The following NYAP2 variants were observed in gnomAD, a reference collection of about 807,000 sequenced individuals.
The protein encoded by NYAP2 is neuronal tyrosine-phosphorylated phosphoinositide-3-kinase adaptor 2, also known as neuronal tyrosine-phosphorylated phosphoinositide-3-kinase adapter 2.
NYAP2 carries 23 observed loss-of-function variants against 50.4 expected under a neutral mutation model. That is an observed-to-expected ratio of 0.46 (90% confidence interval 0.33 to 0.65). The LOEUF is 0.65. NYAP2 is among the 30% of genes least tolerant of loss of function. The pLI, the probability that NYAP2 is intolerant of heterozygous loss-of-function variation, is 0.02. For synonymous variants in NYAP2, 394 were observed against 365.2 expected, an observed-to-expected ratio of 1.08 and a Z score of -0.90; for missense variants, 885 against 861.0, an observed-to-expected ratio of 1.03 and a Z score of -0.35.
At position 225,582,663 on chromosome 2, in the gene NYAP2, C is replaced by A. The variant is rs746087538; in HGVS notation, c.1246C>A (p.Pro416Thr). The A allele has an allele frequency of 2.5e-6, 4 of 1,596,596 alleles. No homozygotes were observed. In the South Asian group the frequency reaches 4.5e-5, roughly 18 times the overall value. ...CCCTGCGCTCTCCTCGTCGCCCCCA[C>A]CCCCGTCTACGCTGTACCGAACCCA... The change falls in exon 5 of 7, where the codon CCC becomes ACC. Residue 416 changes from proline (P) to threonine (T), a missense_variant. Coordinates refer to ENST00000636099, the Ensembl canonical transcript of NYAP2. The surrounding 1 kb of genome is among the most constrained non-coding windows in gnomAD (Gnocchi z 7.0).
At chr2:225,597,512 A>AATATATATATATATAT in intron 5 of NYAP2, among the ~76,000 whole-genome samples, 1,367 of 46,140 alleles carry the variant, frequency 0.03, 318 homozygotes, top group African/African-American at 0.05. Context: ...TCCAAGGAGA[A>AATATATATATATATAT]ATATATATAT....
At chr2:225,506,891 T>C (rs1365420333) in intron 3 of NYAP2, among the ~76,000 whole-genome samples, 1 of 152,020 alleles carries the variant, frequency 6.6e-6, no homozygotes, top group Non-Finnish European at 1.5e-5. Flanking sequence ...GCCCTTTCCC[T>C]GATACTAGAT....
intron 5 of NYAP2, among the ~76,000 whole-genome samples, chr2:225,605,192 G>A (rs547526384): frequency 1.3e-5 from 2 of 152,184 alleles, no homozygotes; most frequent in East Asian, 3.9e-4. Flanking sequence ...TTTAAAGATT[G>A]AGGCATTTTT....
chr2:225,597,023 C>G (rs1182892191), intron 5 of NYAP2, among the ~76,000 whole-genome samples: 1 of 152,052 alleles, frequency 6.6e-6, no homozygotes, highest in African/African-American at 2.4e-5. Flanking sequence ...AAACAACCTC[C>G]TTATAGTGGA....
At chr2:225,489,223 CT>C (rs1327904865) in intron 3 of NYAP2, among the ~76,000 whole-genome samples, 1 of 151,132 alleles carries the variant, frequency 6.6e-6, no homozygotes, top group Non-Finnish European at 1.5e-5. Flanking sequence ...AAGAGTTTTG[CT>C]TTGTCACCCA....
At chr2:225,399,485 G>A (rs77596847), upstream of NYAP2, among the ~76,000 whole-genome samples, 9,787 of 152,022 alleles carry the variant, frequency 0.064, 338 homozygotes, top group South Asian at 0.11. Context: ...TGAGTCTATA[G>A]GAATTAATGA....
intron 5 of NYAP2, among the ~76,000 whole-genome samples, chr2:225,603,401 A>T (rs1482815618): frequency 6.6e-6 from 1 of 152,164 alleles, no homozygotes; most frequent in Non-Finnish European, 1.5e-5. Context: ...AGTCAAGTAT[A>T]TTTTTAACAA....
intron 4 of NYAP2, among the ~76,000 whole-genome samples, chr2:225,560,933 G>A (rs959894009): frequency 7.3e-6 from 1 of 136,478 alleles, no homozygotes; most frequent in Admixed American, 7.5e-5. Context: ...TTTCCAAAAC[G>A]TTTTTTTTTT....
At chr2:225,513,284 TC>T in intron 3 of NYAP2, 86 bp from the exon 4 acceptor site, 4 of 1,203,674 alleles carry the variant, frequency 3.3e-6, no homozygotes, top group Non-Finnish European at 4.7e-6. Flanking sequence ...TTTGAAATTT[TC>T]CCTATTAGTA....
At chr2:225,479,008 G>A (rs944525747) in intron 3 of NYAP2, among the ~76,000 whole-genome samples, 3 of 152,132 alleles carry the variant, frequency 2.0e-5, no homozygotes, top group Admixed American at 2.0e-4. Flanking sequence ...AAGAGATTCA[G>A]CATTATGGTG....
In NYAP2 at chr2:225,441,069, A is replaced by G. The variant is rs1041280344; in HGVS notation, c.221+31968A>G. The stretch of plus-strand genomic sequence containing the variant: ...TTCTGATGCAAATTGTGTCATGGCC[A>G]TCCTCTGTGATAAGTGGCATCCTTT... On this transcript the variant is annotated intron_variant, in intron 3 of 6. Coordinates refer to ENST00000636099, the Ensembl canonical transcript of NYAP2. Among the ~76,000 whole-genome samples, 13 of 152,130 alleles carry G rather than the reference A, an allele frequency of 8.5e-5. No homozygotes were observed. In the East Asian group the frequency reaches 2.5e-3, roughly 29 times the overall value.
At chr2:225,652,417 A>G (rs1036214310) in exon 7 of NYAP2, 1 of 152,250 alleles carries the variant, frequency 6.6e-6, no homozygotes, top group African/African-American at 2.4e-5. Flanking sequence ...CTGAAATATC[A>G]TTTAATCCTT....
intron 4 of NYAP2, among the ~76,000 whole-genome samples, chr2:225,534,564 A>C (rs976941393): frequency 1.4e-4 from 21 of 152,356 alleles, no homozygotes; most frequent in African/African-American, 4.6e-4. Flanking sequence ...TCAGTGCAAT[A>C]GAAGAAAGAA....
chr2:225,623,459 A>G (rs945658217), intron 5 of NYAP2, among the ~76,000 whole-genome samples: 1 of 152,108 alleles, frequency 6.6e-6, no homozygotes, highest in African/African-American at 2.4e-5. Flanking sequence ...AATAAGGTGA[A>G]GGCTGGCCTG....
At chr2:225,523,511 G>A (rs1456919080) in intron 4 of NYAP2, among the ~76,000 whole-genome samples, 1 of 151,896 alleles carries the variant, frequency 6.6e-6, no homozygotes, top group East Asian at 1.9e-4. Context: ...TTTCACCAAG[G>A]TAGTGAAACA....
At chr2:225,626,331 G>A (rs1180229454) in intron 5 of NYAP2, among the ~76,000 whole-genome samples, 1 of 152,230 alleles carries the variant, frequency 6.6e-6, no homozygotes, top group Admixed American at 6.5e-5. Flanking sequence ...GGCTAAGCTA[G>A]CACCTCGGGA....
Position 225,616,335 on chromosome 2 carries a change from G to T in NYAP2, c.1619-10582G>T, listed in dbSNP as rs115191575. Among the ~76,000 whole-genome samples the T allele has an allele frequency of 3.3e-3, 508 of 152,236 alleles. 6 individuals carry two copies. The highest frequency in any genetic ancestry group is 0.012 in the African/African-American group (486 of 41,548). On this transcript the variant is annotated intron_variant, in intron 5 of 6. Coordinates refer to ENST00000636099, the Ensembl canonical transcript of NYAP2. Reference sequence around the variant, plus strand: ...TAATGAAATATAAAAATATGCCCCCGCTCCTCCATACTCTTTCATGGTGGA... The same window carrying T: ...TAATGAAATATAAAAATATGCCCCCTCTCCTCCATACTCTTTCATGGTGGA...
intron 3 of NYAP2, among the ~76,000 whole-genome samples, chr2:225,462,913 T>C (rs955817213): frequency 6.6e-6 from 1 of 152,242 alleles, no homozygotes; most frequent in East Asian, 1.9e-4. Flanking sequence ...TATTTTTAAA[T>C]GGTTGTGATT....
At chr2:225,416,207 T>A (rs1478852091) in intron 3 of NYAP2, among the ~76,000 whole-genome samples, 3 of 152,168 alleles carry the variant, frequency 2.0e-5, no homozygotes, top group Non-Finnish European at 4.4e-5. Context: ...GCATCCAGAT[T>A]TTCTTCCTCA....
Sources: gnomAD v4.1 joint callset for allele counts (sites outside exome capture counted in the v4.1 genomes callset) on GRCh38, gnomAD v4.1.1 for gene constraint, Gnocchi (gnomAD v3.1) non-coding constraint, MANE v1.5 for transcripts, NCBI Gene and HGNC (gene_info 2026-07-23, HGNC 2026-07-21) for gene names.